Variants in FYB2 observed in about 807,000 individuals in gnomAD.
FYB2 encodes the protein FYN-binding protein 2.
In FYB2, 103 loss-of-function variants were observed where a neutral mutation model predicts 94.1. The observed-to-expected ratio is 1.09, with a 90% CI of 0.93 to 1.29. FYB2 has a LOEUF of 1.29. Ranked by LOEUF, FYB2 falls within the 50% of genes most tolerant of loss-of-function variation. The probability of loss-of-function intolerance (pLI) is 0.00; values close to 1 mark genes in which losing one functional copy is unlikely to be tolerated. For synonymous variants in FYB2, 293 were observed against 287.9 expected (o/e 1.02, Z -0.18); for missense variants, 896 against 841.5 (o/e 1.06, Z -0.80).
intron 4 of FYB2, among the ~76,000 whole-genome samples, chr1:56,780,450 G>C (rs1201143750): frequency 6.6e-6 from 1 of 152,196 alleles, no homozygotes; most frequent in African/African-American, 2.4e-5. Context: ...TGTAGGTAAA[G>C]TGTTGTTTGA....
At position 56,726,681 on chromosome 1, in the gene FYB2, A is replaced by T. The variant is rs563360689; in HGVS notation, c.1794-98T>A. ...GGGCAATTATGTTTTACAAAAAATT[A>T]AAAAGTCATCTAGAAATATATTTTG... is the stretch of plus-strand genomic sequence containing the variant. On this transcript the variant is annotated intron_variant, in intron 15 of 19. Coordinates refer to ENST00000343433, the MANE Select transcript of FYB2 (RefSeq NM_001004303.5). 417 of 686,120 alleles carry T rather than the reference A, an allele frequency of 6.1e-4. 2 individuals are homozygous for T. In the Middle Eastern group the frequency reaches 7.0e-3, roughly 12 times the overall value. 42.5% of individuals were successfully genotyped at this position (686,120 alleles called of 1,614,324 possible).
chr1:56,742,037 G>A, intron 12 of FYB2, 124 bp downstream of exon 12: 1 of 700,672 alleles, frequency 1.4e-6, no homozygotes. Context: ...CCTAAAAGAT[G>A]ATGATGGGAG....
At chr1:56,758,620 C>G (rs1045359417) in intron 6 of FYB2, 96 bp downstream of exon 6, 7 of 981,168 alleles carry the variant, frequency 7.1e-6, no homozygotes, top group Non-Finnish European at 8.7e-6. Context: ...AAAATGAAAA[C>G]AAAGACATTT....
intron 3 of FYB2, 73 bp from the exon 4 acceptor site, chr1:56,787,281 A>G: frequency 5.8e-6 from 9 of 1,557,654 alleles, no homozygotes; most frequent in Non-Finnish European, 8.0e-6. Flanking sequence ...TGCTTGTGTG[A>G]TGACTTGATC....
At chr1:56,729,424 G>GTGTGTTTAT (rs1318257903) in intron 15 of FYB2, among the ~76,000 whole-genome samples, 1 of 152,090 alleles carries the variant, frequency 6.6e-6, no homozygotes, top group Non-Finnish European at 1.5e-5. Flanking sequence ...CTGAGCAACT[G>GTGTGTTTAT]TGTGTTTATT....
chr1:56,766,973 G>A (rs1272770126), intron 5 of FYB2, among the ~76,000 whole-genome samples: 1 of 152,184 alleles, frequency 6.6e-6, no homozygotes, highest in Admixed American at 6.5e-5. Context: ...GCCTGAGCCT[G>A]TTTCACATTA....
At chr1:56,809,439 G>T (rs1646717354) in intron 1 of FYB2, among the ~76,000 whole-genome samples, 1 of 151,644 alleles carries the variant, frequency 6.6e-6, no homozygotes, top group African/African-American at 2.4e-5. Flanking sequence ...TCCCTCTTGG[G>T]TTTCCTAACA....
intron 15 of FYB2, among the ~76,000 whole-genome samples, chr1:56,730,187 G>T (rs1644674531): frequency 6.6e-6 from 1 of 150,690 alleles, no homozygotes; most frequent in Non-Finnish European, 1.5e-5. Context: ...GATCAAAGCT[G>T]ACATAAACAA....
chr1:56,744,165 A>T lies in FYB2; in HGVS notation c.1489T>A (p.Ser497Thr). 4 of 1,612,614 alleles carry T rather than the reference A, an allele frequency of 2.5e-6. No individual in the cohort carries two copies. Among genetic ancestry groups the T allele is most frequent in the Non-Finnish European group, 3.4e-6 (4 of 1,179,154 alleles). ...SEEIYDDVEY[S>T]RKEVPKLNYS... ...AATGTTACTTACACCTCTTTCCTGG[A>T]GTACTCGACATCATCATATATCTCC... The change falls in exon 10 of 20, where the codon TCC (serine) becomes ACC (threonine). Residue 497 changes from serine (S) to threonine (T), a missense_variant. Physicochemically the swap from Ser to Thr is moderately conservative, Grantham distance 58 (BLOSUM62 1). Coordinates refer to ENST00000343433, the MANE Select transcript of FYB2 (RefSeq NM_001004303.5).
At chr1:56,762,605 A>G (rs183738392) in intron 5 of FYB2, among the ~76,000 whole-genome samples, 17 of 152,264 alleles carry the variant, frequency 1.1e-4, no homozygotes, top group African/African-American at 3.6e-4. Flanking sequence ...GAAATCATTT[A>G]TTAGTTCTAG....
chr1:56,817,719 CTT>C (rs1255422733), intron 1 of FYB2, among the ~76,000 whole-genome samples: 2 of 152,008 alleles, frequency 1.3e-5, no homozygotes, highest in African/African-American at 4.8e-5. Context: ...TTATTTCTCT[CTT>C]GATTTTTTTC....
intron 1 of FYB2, among the ~76,000 whole-genome samples, chr1:56,795,893 C>G (rs1646386302): frequency 6.6e-6 from 1 of 152,146 alleles, no homozygotes; most frequent in Non-Finnish European, 1.5e-5. Context: ...GGGAGCAAAC[C>G]TGATTATACC....
intron 6 of FYB2, among the ~76,000 whole-genome samples, chr1:56,756,290 G>A (rs1021729078): frequency 5.3e-5 from 8 of 152,084 alleles, no homozygotes; most frequent in African/African-American, 1.9e-4. Flanking sequence ...GGGCAAATTG[G>A]TATTCACAAG....
At chr1:56,751,631 C>T (rs978485823) in intron 8 of FYB2, among the ~76,000 whole-genome samples, 7 of 152,028 alleles carry the variant, frequency 4.6e-5, no homozygotes, top group African/African-American at 1.7e-4. Context: ...CCAAGGGATG[C>T]TATGTATTCC....
chr1:56,818,335 C>G (rs1362191727), intron 1 of FYB2, among the ~76,000 whole-genome samples: 2 of 151,664 alleles, frequency 1.3e-5, no homozygotes, highest in Non-Finnish European at 2.9e-5. Context: ...CTTTTCCTGA[C>G]CAGCAAAAGC....
At chr1:56,817,331 C>G (rs1435444516) in intron 1 of FYB2, among the ~76,000 whole-genome samples, 1 of 152,230 alleles carries the variant, frequency 6.6e-6, no homozygotes, top group African/African-American at 2.4e-5. Flanking sequence ...GATATCCACA[C>G]AGCCCATTAA....
At chr1:56,776,285 A>T (rs1645874530) in intron 4 of FYB2, among the ~76,000 whole-genome samples, 1 of 152,136 alleles carries the variant, frequency 6.6e-6, no homozygotes, top group African/African-American at 2.4e-5. Context: ...AGTTATTTAT[A>T]TGGGGAAAAT....
At chr1:56,801,801 G>A (rs1190247279) in intron 1 of FYB2, among the ~76,000 whole-genome samples, 1 of 152,102 alleles carries the variant, frequency 6.6e-6, no homozygotes, top group Non-Finnish European at 1.5e-5. Flanking sequence ...ATCAGTCTCT[G>A]GAATACATCT....
chr1:56,779,142 A>C (rs1645951469), intron 4 of FYB2, among the ~76,000 whole-genome samples: 1 of 152,154 alleles, frequency 6.6e-6, no homozygotes, highest in African/African-American at 2.4e-5. Flanking sequence ...ACCAGTGATC[A>C]AAACCCATAA....
Sources: allele counts gnomAD v4.1 joint callset (sites outside exome capture counted in the v4.1 genomes callset), GRCh38; gene constraint gnomAD v4.1.1; transcripts MANE v1.5; gene names NCBI Gene and HGNC (gene_info 2026-07-23, HGNC 2026-07-21).